The following KMO variants were observed in gnomAD, a reference collection of about 807,000 sequenced individuals.
KMO encodes kynurenine 3-hydroxylase.
In KMO, 24 loss-of-function variants were observed where a neutral mutation model predicts 57.8. The ratio of observed to expected loss-of-function variants is 0.42; its 90% confidence interval spans 0.30 to 0.58. KMO has a LOEUF of 0.58. Ranked by LOEUF, KMO falls within the 20% of genes least tolerant of loss-of-function variation. The pLI, the probability that KMO is intolerant of heterozygous loss-of-function variation, is 0.22. For synonymous variants in KMO, 210 were observed against 193.6 expected, an observed-to-expected ratio of 1.08 and a Z score of -0.70; for missense variants, 483 against 588.2, an observed-to-expected ratio of 0.82 and a Z score of 1.85.
In KMO at chr1:241,588,744, A is replaced by G; in HGVS notation, c.1016-4A>G. On this transcript the variant is annotated splice_polypyrimidine_tract_variant and splice_region_variant and intron_variant, in intron 11 of 14. Transcript: ENST00000366559. ...TTTGGAAAGATGTATTATTTAACTT[A>G]CAGGTTTGTGTCTTCCTGTGTTCTC... is the stretch of plus-strand genomic sequence containing the variant. The G allele has an allele frequency of 6.2e-7, 1 of 1,607,638 alleles. No individual in the cohort carries two copies. Among genetic ancestry groups the G allele is most frequent in the Non-Finnish European group, 8.5e-7 (1 of 1,174,466 alleles).
chr1:241,551,977 C>A (rs1184509189), intron 4 of KMO, among the ~76,000 whole-genome samples: 1 of 150,766 alleles, frequency 6.6e-6, no homozygotes, highest in Non-Finnish European at 1.5e-5. Context: ...AATCGTCTCA[C>A]TGTTCACTTG....
rs1663317394 is a variant in KMO at position 241,591,944 on chromosome 1, G to A, written c.1261-9G>A. The A allele has an allele frequency of 6.2e-7, 1 of 1,610,026 alleles. No homozygotes were observed. The highest frequency in any genetic ancestry group is 1.1e-5 in the South Asian group (1 of 90,954). ...GACAAATGAAATGAGAGTTCTTGCT[G>A]TCTTACAGGTGATAAACAAAGGACT... On this transcript the variant is annotated splice_polypyrimidine_tract_variant and intron_variant, in intron 14 of 14. Coordinates refer to ENST00000366559, the MANE Select transcript of KMO (RefSeq NM_003679.5).
intron 3 of KMO, chr1:241,550,031 T>C (rs1233717201): frequency 3.0e-6 from 1 of 337,082 alleles, no homozygotes; most frequent in East Asian, 5.1e-5. Flanking sequence ...TCACTGCCTG[T>C]AGAAAGTGAG....
intron 1 of KMO, among the ~76,000 whole-genome samples, chr1:241,538,007 A>C (rs1304134548): frequency 6.6e-6 from 1 of 152,192 alleles, no homozygotes; most frequent in Non-Finnish European, 1.5e-5. Flanking sequence ...CAGCTTTCAA[A>C]TCCACCTCTC....
At chr1:241,547,089 G>A (rs1281245950) in intron 1 of KMO, among the ~76,000 whole-genome samples, 1 of 152,140 alleles carries the variant, frequency 6.6e-6, no homozygotes, top group African/African-American at 2.4e-5. Flanking sequence ...TGCCAGTGAT[G>A]AGGTAGTAAA....
intron 1 of KMO, among the ~76,000 whole-genome samples, chr1:241,539,553 C>G (rs1660881348): frequency 6.6e-6 from 1 of 152,182 alleles, no homozygotes; most frequent in Non-Finnish European, 1.5e-5. Context: ...AAACTCCCAA[C>G]AAAACCTTCT....
intron 9 of KMO, 145 bp downstream of exon 9, chr1:241,566,757 A>T: frequency 1.2e-6 from 1 of 827,984 alleles, no homozygotes; most frequent in Non-Finnish European, 1.9e-6. Context: ...CAAAAGTCTA[A>T]GTGGATATTG....
intron 2 of KMO, among the ~76,000 whole-genome samples, chr1:241,549,176 GAA>G (rs1661274227): frequency 1.4e-5 from 2 of 144,248 alleles, no homozygotes; most frequent in African/African-American, 5.3e-5. Flanking sequence ...GAAAGAGAGA[GAA>G]AGAGAGAGAG....
intron 2 of KMO, 31 bp downstream of exon 2, chr1:241,548,929 C>T (rs552964783): frequency 5.9e-5 from 87 of 1,469,778 alleles, no homozygotes; most frequent in Middle Eastern, 1.7e-4. Flanking sequence ...GCAGGATGAA[C>T]GCTGGGCACG....
chr1:241,558,776 TAA>T (rs35450168), intron 5 of KMO, among the ~76,000 whole-genome samples: 2 of 144,874 alleles, frequency 1.4e-5, no homozygotes, highest in African/African-American at 2.5e-5. Context: ...CTAACCATGT[TAA>T]AAAAAAAAAA....
chr1:241,549,305 A>G (rs940196405), intron 2 of KMO, among the ~76,000 whole-genome samples: 3 of 145,850 alleles, frequency 2.1e-5, no homozygotes, highest in Non-Finnish European at 4.6e-5. Context: ...AGAGCAAGAA[A>G]GAAAGAGAGA....
intron 5 of KMO, among the ~76,000 whole-genome samples, chr1:241,557,259 T>C (rs3007737): frequency 0.46 from 69,924 of 152,152 alleles, 17,486 homozygotes; most frequent in Non-Finnish European, 0.56. Context: ...TATCCCTTAC[T>C]AAGTCTAAGC....
chr1:241,570,767 G>C (rs941344377), intron 10 of KMO, among the ~76,000 whole-genome samples: 13 of 151,972 alleles, frequency 8.6e-5, no homozygotes, highest in Non-Finnish European at 8.8e-5. Context: ...GCTATTCTGT[G>C]TCTTTGGTGA....
At chr1:241,548,988 C>A in intron 2 of KMO, 90 bp downstream of exon 2, 1 of 820,162 alleles carries the variant, frequency 1.2e-6, no homozygotes, top group Non-Finnish European at 2.1e-6. Context: ...CGCTTGAGGC[C>A]GGGAGTTTGA....
intron 2 of KMO, among the ~76,000 whole-genome samples, chr1:241,549,257 G>GAA (rs1558414920): frequency 1.1e-5 from 1 of 94,012 alleles, no homozygotes; most frequent in Non-Finnish European, 2.4e-5. Flanking sequence ...AAGAAAGAAA[G>GAA]AAAGAAAGAA....
At position 241,549,064 on chromosome 1, in the gene KMO, T is replaced by C. The variant is rs186946444; in HGVS notation, c.124+166T>C. ...AAATACAAAAATTAGCCTGGTGTGG[T>C]GGTGTGTGGTAGGAGGATTGCTTGG... On this transcript the variant is annotated intron_variant, in intron 2 of 14. Transcript: ENST00000366559. Among the ~76,000 whole-genome samples the C allele has an allele frequency of 1.9e-4, 28 of 151,056 alleles. No homozygotes were observed. In the East Asian group the frequency reaches 4.9e-3, roughly 26 times the overall value.
intron 4 of KMO, among the ~76,000 whole-genome samples, chr1:241,553,141 T>C (rs1661474173): frequency 6.6e-6 from 1 of 152,234 alleles, no homozygotes; most frequent in Non-Finnish European, 1.5e-5. Flanking sequence ...ATCTTTTTGG[T>C]TACAGAGGCC....
chr1:241,573,590 C>T (rs1394973319), intron 10 of KMO, among the ~76,000 whole-genome samples: 1 of 151,974 alleles, frequency 6.6e-6, no homozygotes, highest in Non-Finnish European at 1.5e-5. Flanking sequence ...GTTGTACGTA[C>T]TTGGCTTTAT....
rs1399862327 is a variant in KMO, at chr1:241,549,700, C to T, written c.148C>T (p.Arg50Cys). The T allele has an allele frequency of 1.9e-6, 3 of 1,612,892 alleles. No homozygotes were observed. Among genetic ancestry groups the T allele is most frequent in the Non-Finnish European group, 2.5e-6 (3 of 1,179,096 alleles). ...REDTRVATFT[R>C]GRSINLALSH... The stretch of plus-strand genomic sequence containing the variant: ...AGATACTCGAGTGGCTACCTTCACA[C>T]GTGGAAGAAGCATTAACTTAGCCCT... The change falls in exon 3 of 15, where the codon CGT (arginine) becomes TGT (cysteine). Residue 50 changes from arginine (R) to cysteine (C), a missense_variant. Arg to Cys is a radical substitution (Grantham distance 180, BLOSUM62 -3). Coordinates refer to ENST00000366559, the MANE Select transcript of KMO (RefSeq NM_003679.5).
Sources: allele counts gnomAD v4.1 joint callset (sites outside exome capture counted in the v4.1 genomes callset), GRCh38; gene constraint gnomAD v4.1.1; transcripts MANE v1.5; gene names NCBI Gene and HGNC (gene_info 2026-07-23, HGNC 2026-07-21).